Variants in AGBL4 observed in about 807,000 individuals in gnomAD.
The protein encoded by AGBL4 is cytosolic carboxypeptidase 6.
A neutral mutation model predicts 66.4 loss-of-function variants in AGBL4; 58 were observed. That is an observed-to-expected ratio of 0.87 (90% confidence interval 0.71 to 1.09). The LOEUF is 1.09. AGBL4 is among the 50% of genes least tolerant of loss of function. The probability of loss-of-function intolerance (pLI) is 0.00; values close to 1 mark genes in which losing one functional copy is unlikely to be tolerated. For synonymous variants in AGBL4, 234 were observed against 222.9 expected (o/e 1.05, Z -0.44); for missense variants, 579 against 631.0 (o/e 0.92, Z 0.88).
At chr1:50,007,465 T>A (rs1192613569) in intron 1 of AGBL4, among the ~76,000 whole-genome samples, 1 of 152,134 alleles carries the variant, frequency 6.6e-6, no homozygotes, top group Non-Finnish European at 1.5e-5. Flanking sequence ...CTGTTGTGTA[T>A]AAGAAACACA....
chr1:49,664,336 A>T (rs1272108616), intron 3 of AGBL4, among the ~76,000 whole-genome samples: 1 of 152,018 alleles, frequency 6.6e-6, no homozygotes, highest in Non-Finnish European at 1.5e-5. Flanking sequence ...TCTCTATACC[A>T]TGTTAACTTA....
chr1:49,553,175 C>T (rs1031122238), intron 3 of AGBL4, among the ~76,000 whole-genome samples: 3 of 152,160 alleles, frequency 2.0e-5, no homozygotes, highest in Non-Finnish European at 4.4e-5. Context: ...AGGCCTGAGC[C>T]TGAGTGAAAT....
At chr1:50,008,377 T>C (rs1055675070) in intron 1 of AGBL4, among the ~76,000 whole-genome samples, 1 of 152,166 alleles carries the variant, frequency 6.6e-6, no homozygotes, top group African/African-American at 2.4e-5. Flanking sequence ...TTGGAATCTA[T>C]AGAAACGTAT....
intron 4 of AGBL4, among the ~76,000 whole-genome samples, chr1:49,117,893 C>T (rs1239362709): frequency 1.3e-5 from 2 of 152,138 alleles, no homozygotes; most frequent in African/African-American, 2.4e-5. Context: ...TCTTTCATTT[C>T]CTTGAGCAGT....
chr1:49,589,309 A>G (rs1363692921), intron 3 of AGBL4, among the ~76,000 whole-genome samples: 1 of 152,142 alleles, frequency 6.6e-6, no homozygotes, highest in African/African-American at 2.4e-5. Flanking sequence ...AGGAAACTCA[A>G]ACCATAACTG....
chr1:48,668,128 G>A (rs541986030), intron 6 of AGBL4, among the ~76,000 whole-genome samples: 63 of 152,216 alleles, frequency 4.1e-4, no homozygotes, highest in African/African-American at 1.4e-3. Context: ...AACCAGACAA[G>A]TTTCAGCCTT....
chr1:49,303,352 A>T (rs1644789129), intron 3 of AGBL4, among the ~76,000 whole-genome samples: 1 of 152,052 alleles, frequency 6.6e-6, no homozygotes, highest in African/African-American at 2.4e-5. Context: ...CACCATTCTG[A>T]CTGGTGTGAG....
At chr1:49,019,690 T>C (rs1355234206) in intron 5 of AGBL4, among the ~76,000 whole-genome samples, 3 of 152,240 alleles carry the variant, frequency 2.0e-5, no homozygotes, top group East Asian at 1.9e-4. Flanking sequence ...AAATGTAACA[T>C]GCTGTTAAAT....
At chr1:49,147,940 A>G (rs545700764) in intron 4 of AGBL4, among the ~76,000 whole-genome samples, 1 of 152,258 alleles carries the variant, frequency 6.6e-6, no homozygotes, top group East Asian at 1.9e-4. Context: ...GTCTGTGTCC[A>G]AAGCAGGGAT....
At chr1:49,800,195 G>C (rs72903762) in intron 2 of AGBL4, among the ~76,000 whole-genome samples, 11,144 of 152,088 alleles carry the variant, frequency 0.073, 1,285 homozygotes, top group African/African-American at 0.24. Flanking sequence ...GCTGTGACTT[G>C]TTTCCAACCA....
intron 3 of AGBL4, among the ~76,000 whole-genome samples, chr1:49,630,392 A>C (rs569650885): frequency 3.7e-4 from 57 of 152,106 alleles, no homozygotes; most frequent in African/African-American, 1.3e-3. Context: ...TTCTGGTGTC[A>C]CTTAATGTGT....
rs1394901446 is a variant in AGBL4 at position 48,895,266 on chromosome 1, T to A, written c.595-28036A>T. Reference sequence around the variant, plus strand: ...GAAAGAGCCCCCTTCTATCATCCTGTCAGAGGTCGGCTTGTTGACCGTCAG... The same window carrying A: ...GAAAGAGCCCCCTTCTATCATCCTGACAGAGGTCGGCTTGTTGACCGTCAG... On this transcript the variant is annotated intron_variant, in intron 5 of 13. Transcript: ENST00000371839. 2.0e-5 allele frequency among the ~76,000 whole-genome samples: 3 copies of A among 152,214 alleles called. No homozygotes were observed. The East Asian group carries it at 5.8e-4, about 29-fold the overall frequency.
chr1:48,631,616 A>T (rs1046322041), intron 9 of AGBL4, among the ~76,000 whole-genome samples: 1 of 151,518 alleles, frequency 6.6e-6, no homozygotes, highest in Non-Finnish European at 1.5e-5. Context: ...CTGGTCTCGA[A>T]CTCCTGACTT....
At chr1:49,240,421 C>T (rs1056710380) in intron 4 of AGBL4, among the ~76,000 whole-genome samples, 4 of 152,054 alleles carry the variant, frequency 2.6e-5, no homozygotes, top group African/African-American at 4.8e-5. Context: ...AGTGCACTCA[C>T]GAAAGCCTCT....
At chr1:48,734,268 G>C (rs1039882000) in intron 6 of AGBL4, among the ~76,000 whole-genome samples, 1 of 152,308 alleles carries the variant, frequency 6.6e-6, no homozygotes, top group Admixed American at 6.5e-5. Context: ...GTGTGTGTTT[G>C]AATCTAGGCT....
chr1:49,569,881 C>T (rs1644291694), intron 3 of AGBL4, among the ~76,000 whole-genome samples: 1 of 152,136 alleles, frequency 6.6e-6, no homozygotes, highest in Non-Finnish European at 1.5e-5. Flanking sequence ...TAATGGCCTC[C>T]AGTTCCATAC....
At chr1:49,727,069 A>C (rs1649086575) in intron 2 of AGBL4, among the ~76,000 whole-genome samples, 1 of 152,154 alleles carries the variant, frequency 6.6e-6, no homozygotes, top group East Asian at 1.9e-4. Flanking sequence ...GAGGAAGTGG[A>C]TAAATTATTA....
chr1:49,936,461 C>A (rs2148279188), intron 1 of AGBL4, among the ~76,000 whole-genome samples: 2 of 152,258 alleles, frequency 1.3e-5, no homozygotes, highest in East Asian at 3.9e-4. Context: ...GGCAGGCCAA[C>A]ATTCAGATTC....
chr1:48,924,917 T>C (rs1266680769), intron 5 of AGBL4, among the ~76,000 whole-genome samples: 1 of 152,138 alleles, frequency 6.6e-6, no homozygotes, highest in African/African-American at 2.4e-5. Context: ...CATTTATAGA[T>C]GCTACTTGAC....
Sources: allele counts gnomAD v4.1 joint callset (sites outside exome capture counted in the v4.1 genomes callset), GRCh38; gene constraint gnomAD v4.1.1; transcripts MANE v1.5; gene names NCBI Gene and HGNC (gene_info 2026-07-23, HGNC 2026-07-21).